Variants in CPA6 observed in about 807,000 individuals in gnomAD.
CPA6 encodes the protein carboxypeptidase A6, also known as carboxypeptidase B.
Under a neutral mutation model 63.3 loss-of-function variants are expected in CPA6, and 58 were observed. The observed-to-expected ratio is 0.92, with a 90% CI of 0.74 to 1.14. The LOEUF (loss-of-function observed/expected upper bound fraction) is 1.14, where lower values mean the gene tolerates loss of function less well. CPA6 is among the 50% of genes most tolerant of loss of function. CPA6 has a pLI of 0.00. For missense variants in CPA6, 565 were observed against 526.6 expected (o/e 1.07, Z -0.71); for synonymous variants, 185 against 179.0 (o/e 1.03, Z -0.27).
chr8:67,423,995 T>C (rs1809827347), intron 10 of CPA6, among the ~76,000 whole-genome samples: 1 of 152,218 alleles, frequency 6.6e-6, no homozygotes, highest in African/African-American at 2.4e-5. Flanking sequence ...CTGCCTGAGC[T>C]CTGCCTCCTG....
In CPA6 at chr8:67,552,774, C is replaced by CAAAAAAAAAAAAAAAAA. The variant is rs762395117; in HGVS notation, c.193-34744_193-34728dup. ...CCTGGGTGACAGAGCAAGACTGTCTCAAAAAAAAAAAAAAAAAAAAAAAAA... is the reference window on the plus strand; with the variant it reads ...CCTGGGTGACAGAGCAAGACTGTCTCAAAAAAAAAAAAAAAAAAAAAAAAAAAAAAAAAAAAAAAAAA... On this transcript the variant is annotated intron_variant, in intron 2 of 10. Transcript: ENST00000297770. Among the ~76,000 whole-genome samples, 29 of 20,934 alleles carry CAAAAAAAAAAAAAAAAA rather than the reference C, an allele frequency of 1.4e-3. 1 individual carries two copies. The highest frequency in any genetic ancestry group is 1.6e-3 in the Non-Finnish European group (19 of 11,530). The allele number at this position is 20,934 out of a possible 152,430, so 13.7% of individuals were successfully genotyped here.
chr8:67,557,716 AACTTCTAAATTGTAATAATCCTAGCCT>A (rs1813097857), intron 2 of CPA6, among the ~76,000 whole-genome samples: 1 of 152,130 alleles, frequency 6.6e-6, no homozygotes, highest in African/African-American at 2.4e-5. Context: ...TCTTCCTGCA[AACTTCTAAATTGTAATAATCCTAGCCT>A]ATTGCCTTTG....
intron 6 of CPA6, among the ~76,000 whole-genome samples, chr8:67,500,531 A>G (rs1373644760): frequency 1.3e-5 from 2 of 151,992 alleles, no homozygotes; most frequent in African/African-American, 4.8e-5. Flanking sequence ...TAAAATTTTG[A>G]TTGTTTGATA....
intron 2 of CPA6, among the ~76,000 whole-genome samples, chr8:67,519,706 G>A (rs1054008473): frequency 6.6e-6 from 1 of 152,240 alleles, no homozygotes; most frequent in Admixed American, 6.5e-5. Context: ...AGGCTGGAAG[G>A]GATGCTGAGA....
intron 1 of CPA6, among the ~76,000 whole-genome samples, chr8:67,730,043 A>G (rs2129002877): frequency 6.6e-6 from 1 of 152,354 alleles, no homozygotes; most frequent in Admixed American, 6.5e-5. Flanking sequence ...GATTCCCCCA[A>G]CAAGCAATTC....
chr8:67,580,088 G>GCA (rs1490858390), intron 2 of CPA6, among the ~76,000 whole-genome samples: 13 of 152,180 alleles, frequency 8.5e-5, no homozygotes, highest in African/African-American at 3.1e-4. Context: ...AGCACTAACA[G>GCA]CAGAGGTTGA....
intron 3 of CPA6, among the ~76,000 whole-genome samples, chr8:67,514,741 A>G (rs1349191758): frequency 6.6e-6 from 1 of 152,214 alleles, no homozygotes; most frequent in Non-Finnish European, 1.5e-5. Flanking sequence ...ATTCTTTTCT[A>G]CTGAATAGTA....
At chr8:67,594,320 T>G (rs1056044641) in intron 2 of CPA6, among the ~76,000 whole-genome samples, 2 of 152,266 alleles carry the variant, frequency 1.3e-5, no homozygotes, top group African/African-American at 4.8e-5. Flanking sequence ...CTTAACATTT[T>G]TTCCTTCATT....
intron 1 of CPA6, among the ~76,000 whole-genome samples, chr8:67,634,615 T>C (rs751493745): frequency 3.3e-5 from 5 of 151,586 alleles, no homozygotes; most frequent in Non-Finnish European, 7.3e-5. Flanking sequence ...TTGGCCAAAA[T>C]GCTTAAACAC....
intron 2 of CPA6, among the ~76,000 whole-genome samples, chr8:67,586,623 T>A (rs192209913): frequency 6.9e-4 from 105 of 152,258 alleles, no homozygotes; most frequent in Admixed American, 1.8e-3. Context: ...TAGAATATAA[T>A]TCGTTCTGTG....
intron 8 of CPA6, among the ~76,000 whole-genome samples, chr8:67,456,134 T>A (rs1456010732): frequency 6.6e-6 from 1 of 152,226 alleles, no homozygotes; most frequent in Non-Finnish European, 1.5e-5. Context: ...CCTAAAGATC[T>A]GAGGACAAAA....
chr8:67,670,502 G>T (rs1345341197), intron 1 of CPA6, among the ~76,000 whole-genome samples: 2 of 152,128 alleles, frequency 1.3e-5, no homozygotes, highest in African/African-American at 2.4e-5. Flanking sequence ...AGCATGGTTA[G>T]GTAATACTCT....
intron 1 of CPA6, among the ~76,000 whole-genome samples, chr8:67,701,845 T>C (rs555911047): frequency 1.2e-4 from 18 of 152,228 alleles, no homozygotes; most frequent in Non-Finnish European, 1.6e-4. Context: ...AATGTTTTTA[T>C]TTCTGCATTA....
chr8:67,504,656 C>T (rs976772267), intron 6 of CPA6, among the ~76,000 whole-genome samples: 1 of 152,156 alleles, frequency 6.6e-6, no homozygotes, highest in Admixed American at 6.6e-5. Flanking sequence ...CCAGTGAAGC[C>T]ACACATCCTC....
At chr8:67,436,671 G>C (rs1294466625) in intron 8 of CPA6, among the ~76,000 whole-genome samples, 1 of 151,948 alleles carries the variant, frequency 6.6e-6, no homozygotes, top group African/African-American at 2.4e-5. Context: ...AATAACTTTT[G>C]AATTAAAAAT....
chr8:67,622,605 GA>G (rs1815107678), intron 2 of CPA6, among the ~76,000 whole-genome samples: 1 of 152,088 alleles, frequency 6.6e-6, no homozygotes, highest in Admixed American at 6.5e-5. Flanking sequence ...CAATGTTCAA[GA>G]CATCATTTGC....
chr8:67,668,553 A>G (rs2128993943), intron 1 of CPA6, among the ~76,000 whole-genome samples: 2 of 152,346 alleles, frequency 1.3e-5, no homozygotes, highest in Admixed American at 1.3e-4. Context: ...TTCAAAATTA[A>G]TATATCTCAA....
chr8:67,449,727 T>G (rs1810511618), intron 8 of CPA6, among the ~76,000 whole-genome samples: 1 of 152,052 alleles, frequency 6.6e-6, no homozygotes, highest in Admixed American at 6.6e-5. Context: ...ATGCCATCAA[T>G]GTTCCTCTCA....
intron 6 of CPA6, among the ~76,000 whole-genome samples, chr8:67,492,113 C>T (rs1207614619): frequency 6.6e-6 from 1 of 152,080 alleles, no homozygotes; most frequent in Non-Finnish European, 1.5e-5. Context: ...AGATCTGAAC[C>T]CAAATATAAA....
Sources: gnomAD v4.1 joint callset for allele counts (sites outside exome capture counted in the v4.1 genomes callset) on GRCh38, gnomAD v4.1.1 for gene constraint, MANE v1.5 for transcripts, NCBI Gene and HGNC (gene_info 2026-07-23, HGNC 2026-07-21) for gene names.